The following THSD7A variants were observed in gnomAD, a reference collection of about 807,000 sequenced individuals.
THSD7A encodes the protein thrombospondin type-1 domain-containing protein 7A.
In THSD7A, 96 loss-of-function variants were observed where a neutral mutation model predicts 231.3. The observed-to-expected ratio is 0.41, with a 90% CI of 0.35 to 0.49. The LOEUF (loss-of-function observed/expected upper bound fraction) is 0.49. Ranked by LOEUF, THSD7A falls within the 20% of genes least tolerant of loss-of-function variation. The pLI is 0.05. For missense variants in THSD7A, 2,290 were observed against 2,070.2 expected (o/e 1.11, Z -2.06); for synonymous variants, 940 against 743.3 (o/e 1.26, Z -4.30).
chr7:11,389,790 T>C (rs1203875465), intron 23 of THSD7A, among the ~76,000 whole-genome samples: 1 of 152,114 alleles, frequency 6.6e-6, no homozygotes, highest in African/African-American at 2.4e-5. Context: ...CTTCAGGAGC[T>C]CTGGTAAGGC....
intron 2 of THSD7A, among the ~76,000 whole-genome samples, chr7:11,626,394 C>T (rs751531641): frequency 4.6e-5 from 7 of 151,914 alleles, no homozygotes; most frequent in Non-Finnish European, 8.8e-5. Flanking sequence ...GAGTTGTATG[C>T]CTTTAATATG....
intron 1 of THSD7A, among the ~76,000 whole-genome samples, chr7:11,809,177 G>C (rs1490910424): frequency 6.6e-6 from 1 of 152,122 alleles, no homozygotes; most frequent in Non-Finnish European, 1.5e-5. Flanking sequence ...TAAATGATAA[G>C]GGTAAGAGAG....
intron 6 of THSD7A, among the ~76,000 whole-genome samples, chr7:11,500,076 G>C (rs968193929): frequency 6.6e-6 from 1 of 152,212 alleles, no homozygotes; most frequent in Admixed American, 6.5e-5. Context: ...AAGAGTAAGA[G>C]AAGGTCACCT....
In THSD7A at chr7:11,379,060, G is replaced by C. The variant is rs961233813; in HGVS notation, c.4801+10C>G. 4 of 1,612,278 alleles carry C rather than the reference G, an allele frequency of 2.5e-6. No individual in the cohort carries two copies. The highest frequency in any genetic ancestry group is 2.2e-5 in the East Asian group (1 of 44,846). ...AGGTTTCTCTTTCAACACTAGTCTA[G>C]TCAGTTCACCTGGCCCAAATGGCTG... On this transcript the variant is annotated intron_variant, in intron 26 of 27. Coordinates refer to ENST00000423059, the MANE Select transcript of THSD7A (RefSeq NM_015204.3).
At chr7:11,692,949 T>C (rs1780279679) in intron 1 of THSD7A, among the ~76,000 whole-genome samples, 1 of 151,576 alleles carries the variant, frequency 6.6e-6, no homozygotes, top group African/African-American at 2.4e-5. Flanking sequence ...ATCTGGATAC[T>C]AACTTGTATC....
chr7:11,568,190 T>G (rs1790446941), intron 4 of THSD7A, among the ~76,000 whole-genome samples: 1 of 152,182 alleles, frequency 6.6e-6, no homozygotes, highest in African/African-American at 2.4e-5. Flanking sequence ...TATTATTAAG[T>G]TCACTGTTCT....
intron 1 of THSD7A, among the ~76,000 whole-genome samples, chr7:11,770,269 C>T (rs1783179307): frequency 6.6e-6 from 1 of 151,944 alleles, no homozygotes. Context: ...AATAATGTTG[C>T]ACTCAGAAGC....
rs1420442225 is a variant in THSD7A, at chr7:11,786,237, C to G, written c.190+45520G>C. The stretch of plus-strand genomic sequence containing the variant: ...CCATCACTAACCCCTTCTTCCTTAC[C>G]TTCCTCCACAATAAAGACTAGCAAG... On this transcript the variant is annotated intron_variant, in intron 1 of 27. Coordinates refer to ENST00000423059, the MANE Select transcript of THSD7A (RefSeq NM_015204.3). Among the ~76,000 whole-genome samples, 3 of 152,084 alleles carry G rather than the reference C, an allele frequency of 2.0e-5. No individual in the cohort carries two copies. In the East Asian group the frequency reaches 5.8e-4, roughly 29 times the overall value.
chr7:11,813,094 G>A (rs915686229), intron 1 of THSD7A, among the ~76,000 whole-genome samples: 2 of 152,020 alleles, frequency 1.3e-5, no homozygotes, highest in African/African-American at 4.8e-5. Context: ...AGTTTTTATT[G>A]GTATAATTTA....
At chr7:11,460,279 A>G (rs1785456151) in intron 11 of THSD7A, among the ~76,000 whole-genome samples, 1 of 152,176 alleles carries the variant, frequency 6.6e-6, no homozygotes, top group Admixed American at 6.5e-5. Context: ...TATATAATGC[A>G]TATAGGCAAG....
At chr7:11,760,903 G>C (rs1280506421) in intron 1 of THSD7A, among the ~76,000 whole-genome samples, 1 of 149,758 alleles carries the variant, frequency 6.7e-6, no homozygotes, top group African/African-American at 2.4e-5. Context: ...ATCTACTAAT[G>C]TTACATATTT....
chr7:11,727,049 T>A (rs987973036), intron 1 of THSD7A, among the ~76,000 whole-genome samples: 1 of 151,968 alleles, frequency 6.6e-6, no homozygotes, highest in African/African-American at 2.4e-5. Flanking sequence ...GGCATCCAAA[T>A]TACTTTTGCA....
chr7:11,784,436 A>G (rs895791215), intron 1 of THSD7A, among the ~76,000 whole-genome samples: 1 of 151,740 alleles, frequency 6.6e-6, no homozygotes, highest in Non-Finnish European at 1.5e-5. Flanking sequence ...CTGTCATTTT[A>G]ATCCTCAATG....
intron 4 of THSD7A, among the ~76,000 whole-genome samples, chr7:11,551,728 C>A (rs1459491685): frequency 6.6e-6 from 1 of 152,056 alleles, no homozygotes; most frequent in Non-Finnish European, 1.5e-5. Flanking sequence ...GAAAAGAGAA[C>A]ACTTATACAC....
chr7:11,693,513 T>C (rs1220240037), intron 1 of THSD7A, among the ~76,000 whole-genome samples: 1 of 151,580 alleles, frequency 6.6e-6, no homozygotes, highest in African/African-American at 2.4e-5. Context: ...ACATCTAGTC[T>C]TTGTTTTAGG....
At chr7:11,521,843 G>A (rs1788280642) in intron 6 of THSD7A, among the ~76,000 whole-genome samples, 1 of 152,006 alleles carries the variant, frequency 6.6e-6, no homozygotes, top group South Asian at 2.1e-4. Context: ...TTCTGATAGT[G>A]CCTTCAATAC....
At chr7:11,536,738 T>G (rs1437099225) in intron 6 of THSD7A, among the ~76,000 whole-genome samples, 3 of 152,126 alleles carry the variant, frequency 2.0e-5, no homozygotes, top group African/African-American at 7.2e-5. Flanking sequence ...ATCTTCATCC[T>G]TGACCTGGCC....
At chr7:11,641,452 C>G (rs1388334945) in intron 1 of THSD7A, among the ~76,000 whole-genome samples, 3 of 152,068 alleles carry the variant, frequency 2.0e-5, no homozygotes, top group African/African-American at 7.2e-5. Context: ...AGATAAGGCA[C>G]AAGAGTTTCT....
At chr7:11,802,839 T>C (rs1057286360) in intron 1 of THSD7A, among the ~76,000 whole-genome samples, 5 of 152,188 alleles carry the variant, frequency 3.3e-5, no homozygotes, top group African/African-American at 1.2e-4. Flanking sequence ...ATCTGCATCC[T>C]AAAATGTGTG....
Sources: gnomAD v4.1 joint callset for allele counts (sites outside exome capture counted in the v4.1 genomes callset) on GRCh38, gnomAD v4.1.1 for gene constraint, MANE v1.5 for transcripts, NCBI Gene and HGNC (gene_info 2026-07-23, HGNC 2026-07-21) for gene names.